The following IRGM variants were observed in gnomAD, a reference collection of about 807,000 sequenced individuals.
IRGM encodes the protein immunity related GTPase M, also known as immunity-related GTPase family M protein.
For synonymous variants in IRGM, 98 were observed against 80.6 expected (o/e 1.22, Z -1.16); for missense variants, 288 against 219.9 (o/e 1.31, Z -1.96).
At chr5:150,861,252 G>A (rs985490181) in intron 1 of IRGM, among the ~76,000 whole-genome samples, 3 of 152,158 alleles carry the variant, frequency 2.0e-5, no homozygotes. Flanking sequence ...GAGCCCTTTT[G>A]TACTCCCTCA....
intron 3 of IRGM, among the ~76,000 whole-genome samples, chr5:150,885,625 A>T (rs1754509367): frequency 6.6e-6 from 1 of 151,922 alleles, no homozygotes. Flanking sequence ...TGTAGAGATC[A>T]TTCACCTCTC....
At chr5:150,875,649 G>T (rs1220021389) in intron 1 of IRGM, among the ~76,000 whole-genome samples, 4 of 152,276 alleles carry the variant, frequency 2.6e-5, no homozygotes, top group African/African-American at 9.6e-5. Flanking sequence ...ATTGCCCAAT[G>T]GGCCCATGAA....
intron 1 of IRGM, among the ~76,000 whole-genome samples, chr5:150,861,497 G>A (rs548962284): frequency 6.6e-6 from 1 of 152,184 alleles, no homozygotes; most frequent in South Asian, 2.1e-4. Flanking sequence ...GAACACCAGA[G>A]GGAGTTGTTC....
chr5:150,902,213 G>A (rs1430781545), downstream of IRGM, among the ~76,000 whole-genome samples: 1 of 152,122 alleles, frequency 6.6e-6, no homozygotes, highest in Non-Finnish European at 1.5e-5. Flanking sequence ...AAAAATGGGA[G>A]AGCAAAGAAG....
intron 1 of IRGM, among the ~76,000 whole-genome samples, chr5:150,867,120 G>A (rs1402402798): frequency 6.6e-6 from 1 of 152,042 alleles, no homozygotes; most frequent in Non-Finnish European, 1.5e-5. Flanking sequence ...CTCATCACCC[G>A]CACAGTGTAC....
chr5:150,898,465 A>T, intron 3 of IRGM: 1 of 1,613,424 alleles, frequency 6.2e-7, no homozygotes, highest in Non-Finnish European at 8.5e-7. Context: ...CCAGCATCAC[A>T]TCCCTGTACA....
intron 3 of IRGM, among the ~76,000 whole-genome samples, chr5:150,889,401 A>G (rs530299812): frequency 6.6e-6 from 1 of 152,200 alleles, no homozygotes; most frequent in South Asian, 2.1e-4. Context: ...TCACAAGAAT[A>G]GCACAGGAAT....
chr5:150,871,289 G>T (rs1371055196), intron 1 of IRGM, among the ~76,000 whole-genome samples: 1 of 152,172 alleles, frequency 6.6e-6, no homozygotes, highest in African/African-American at 2.4e-5. Context: ...GATTTAAAAA[G>T]ATTTTGTTTT....
At chr5:150,854,869 CA>C (rs1276919527) in intron 1 of IRGM, among the ~76,000 whole-genome samples, 2 of 151,874 alleles carry the variant, frequency 1.3e-5, no homozygotes, top group East Asian at 3.8e-4. Flanking sequence ...ATTACTTTTT[CA>C]AAAAAATTAT....
At chr5:150,851,117 G>A (rs1581639209), downstream of IRGM, among the ~76,000 whole-genome samples, 2 of 152,294 alleles carry the variant, frequency 1.3e-5, no homozygotes, top group Admixed American at 1.3e-4. Context: ...TGACATGATA[G>A]TTGGGCAGGA....
intron 1 of IRGM, among the ~76,000 whole-genome samples, chr5:150,855,368 AGTTT>A (rs1754035252): frequency 6.6e-6 from 1 of 152,200 alleles, no homozygotes; most frequent in Admixed American, 6.5e-5. Flanking sequence ...CTTAAGGAAG[AGTTT>A]GTTTTATTCA....
At chr5:150,896,232 T>C in intron 3 of IRGM, 1 of 1,613,734 alleles carries the variant, frequency 6.2e-7, no homozygotes, top group Non-Finnish European at 8.5e-7. Flanking sequence ...GGACGATTTC[T>C]GAGAGAAGGC....
chr5:150,886,873 T>C (rs1754532733), intron 3 of IRGM, among the ~76,000 whole-genome samples: 1 of 152,076 alleles, frequency 6.6e-6, no homozygotes, highest in Non-Finnish European at 1.5e-5. Flanking sequence ...TATTGACCTT[T>C]TGAATGATTT....
Position 150,884,839 on chromosome 5 carries a change from G to A in IRGM, c.*140+5193G>A, listed in dbSNP as rs184155784. Among the ~76,000 whole-genome samples, 546 of 152,158 alleles carry A rather than the reference G, an allele frequency of 3.6e-3. 4 individuals carry two copies. Among genetic ancestry groups the A allele is most frequent in the African/African-American group, 0.012 (519 of 41,540 alleles). Reference sequence around the variant, plus strand: ...TAGACCTTTGTCAGACTCATAGTTTGCAAATATTTTCTCCACCCTGTAGGT... The same window carrying A: ...TAGACCTTTGTCAGACTCATAGTTTACAAATATTTTCTCCACCCTGTAGGT... On this transcript the variant is annotated intron_variant and NMD_transcript_variant, in intron 3 of 3. Transcript: ENST00000520549.
intron 3 of IRGM, among the ~76,000 whole-genome samples, chr5:150,899,135 C>G (rs1379125358): frequency 6.6e-6 from 1 of 152,154 alleles, no homozygotes; most frequent in South Asian, 2.1e-4. Flanking sequence ...GAAACAAATA[C>G]ATCCCTCACA....
At chr5:150,897,713 A>G in intron 3 of IRGM, 1 of 262,014 alleles carries the variant, frequency 3.8e-6, no homozygotes, top group East Asian at 7.4e-5. Flanking sequence ...TTAGACTCTT[A>G]ATTTTCTCTG....
rs556917526 is a variant in IRGM, at chr5:150,867,282, T to C, written c.159-10698T>C. On this transcript the variant is annotated intron_variant and NMD_transcript_variant, in intron 1 of 3. Transcript: ENST00000520549. The stretch of plus-strand genomic sequence containing the variant: ...TCCTGAGTTACTTCACTTAGAATAA[T>C]GGTCTCCAACTCCATCCAGGTTGTG... Among the ~76,000 whole-genome samples, 8 of 152,362 alleles carry C rather than the reference T, an allele frequency of 5.3e-5. No individual in the cohort carries two copies. In the East Asian group the frequency reaches 1.3e-3, roughly 26 times the overall value.
At chr5:150,896,019 T>C in intron 3 of IRGM, 2 of 1,613,510 alleles carry the variant, frequency 1.2e-6, no homozygotes, top group Non-Finnish European at 1.7e-6. Flanking sequence ...CTCATACGGC[T>C]TCTCTCCAGT....
At chr5:150,858,101 T>C (rs1476533614) in intron 1 of IRGM, among the ~76,000 whole-genome samples, 1 of 152,218 alleles carries the variant, frequency 6.6e-6, no homozygotes, top group African/African-American at 2.4e-5. Flanking sequence ...TTAATTTTTG[T>C]ATAAGGTGTA....
Sources: allele counts gnomAD v4.1 joint callset (sites outside exome capture counted in the v4.1 genomes callset), GRCh38; gene constraint gnomAD v4.1.1; transcripts MANE v1.5; gene names NCBI Gene and HGNC (gene_info 2026-07-23, HGNC 2026-07-21).